The following KLHL1 variants were observed in gnomAD, a reference collection of about 807,000 sequenced individuals.
KLHL1 encodes kelch-like protein 1.
KLHL1 carries 47 observed loss-of-function variants against 77.7 expected under a neutral mutation model. The ratio of observed to expected loss-of-function variants is 0.60; its 90% CI spans 0.48 to 0.77. KLHL1 has a LOEUF of 0.77. Among genes scored for constraint, KLHL1 ranks in the 30% least tolerant of loss-of-function variants. The pLI, the probability that KLHL1 is intolerant of heterozygous loss-of-function variation, is 0.00. For missense variants in KLHL1, 925 were observed against 910.8 expected (o/e 1.02, Z -0.20); for synonymous variants, 360 against 325.2 (o/e 1.11, Z -1.15).
At chr13:69,807,380 C>T (rs1289649378) in intron 6 of KLHL1, among the ~76,000 whole-genome samples, 1 of 151,998 alleles carries the variant, frequency 6.6e-6, no homozygotes, top group Non-Finnish European at 1.5e-5. Context: ...GGAAATAAGG[C>T]CATCCTAGGT....
chr13:69,861,675 C>T (rs541088154), intron 5 of KLHL1, among the ~76,000 whole-genome samples: 7 of 150,260 alleles, frequency 4.7e-5, no homozygotes, highest in African/African-American at 1.5e-4. Context: ...GCAAGCCTGG[C>T]GCAGTGGCTC....
Position 69,969,402 on chromosome 13 carries a change from T to C in KLHL1, c.680+6218A>G, listed in dbSNP as rs117906070. ...AGACACAGTTATCCTCAAATATTTA[T>C]TACATACCAATTAGATAAATTAGTG... On this transcript the variant is annotated intron_variant, in intron 2 of 10. Transcript: ENST00000377844. Among the ~76,000 whole-genome samples, 28 of 152,194 alleles carry C rather than the reference T, an allele frequency of 1.8e-4. No individual in the cohort carries two copies. The East Asian group carries it at 5.4e-3, about 29-fold the overall frequency.
intron 5 of KLHL1, among the ~76,000 whole-genome samples, chr13:69,853,179 C>T (rs1053355023): frequency 6.6e-6 from 1 of 151,936 alleles, no homozygotes; most frequent in Non-Finnish European, 1.5e-5. Context: ...ACCCAAATTT[C>T]ATCTTGAATT....
At chr13:69,807,609 G>A (rs1265165070) in intron 6 of KLHL1, among the ~76,000 whole-genome samples, 2 of 152,104 alleles carry the variant, frequency 1.3e-5, no homozygotes, top group Admixed American at 6.6e-5. Flanking sequence ...ACCATTCTGA[G>A]TGTTTAGAGA....
At chr13:69,784,610 G>A (rs1472989384) in intron 7 of KLHL1, among the ~76,000 whole-genome samples, 1 of 150,966 alleles carries the variant, frequency 6.6e-6, no homozygotes, top group African/African-American at 2.4e-5. Context: ...AATGATAAAG[G>A]GATCAATTCA....
chr13:70,081,775 A>G (rs1245491903), intron 1 of KLHL1, among the ~76,000 whole-genome samples: 2 of 152,212 alleles, frequency 1.3e-5, no homozygotes, highest in Non-Finnish European at 2.9e-5. Context: ...GACCTAGGTA[A>G]GCTACACCTA....
intron 7 of KLHL1, among the ~76,000 whole-genome samples, chr13:69,795,761 G>A (rs1409697528): frequency 1.3e-5 from 2 of 152,054 alleles, no homozygotes; most frequent in Non-Finnish European, 2.9e-5. Context: ...ATCGAGATCC[G>A]AATCCAGGTA....
Position 70,028,751 on chromosome 13 carries a change from T to G in KLHL1, c.498-52949A>C, listed in dbSNP as rs1257893052. On this transcript the variant is annotated intron_variant, in intron 1 of 10. Coordinates refer to ENST00000377844, the MANE Select transcript of KLHL1 (RefSeq NM_020866.3). ...CAGCAGTTTGAGAGGCCGAAGCAGGTGAATTGCTTGAGCCCAGGAGACTGA... is the reference window on the plus strand; with the variant it reads ...CAGCAGTTTGAGAGGCCGAAGCAGGGGAATTGCTTGAGCCCAGGAGACTGA... Among the ~76,000 whole-genome samples, 3 of 151,980 alleles carry G rather than the reference T, an allele frequency of 2.0e-5. No individual in the cohort carries two copies. The East Asian group carries it at 5.8e-4, about 29-fold the overall frequency.
At chr13:70,066,407 T>C (rs567574601) in intron 1 of KLHL1, among the ~76,000 whole-genome samples, 154 of 152,286 alleles carry the variant, frequency 1.0e-3, no homozygotes, top group Non-Finnish European at 1.8e-3. Flanking sequence ...AAGTAAGACA[T>C]GTAGAGTGCA....
intron 4 of KLHL1, among the ~76,000 whole-genome samples, chr13:69,909,975 C>A (rs560107797): frequency 3.3e-5 from 5 of 151,970 alleles, no homozygotes; most frequent in Non-Finnish European, 5.9e-5. Context: ...AAAGGTTTGG[C>A]AAATCTCACT....
chr13:70,081,456 C>T (rs1476381138), intron 1 of KLHL1, among the ~76,000 whole-genome samples: 1 of 152,158 alleles, frequency 6.6e-6, no homozygotes, highest in African/African-American at 2.4e-5. Context: ...CAGTGCATCA[C>T]AAAATTCATT....
chr13:70,003,046 A>C (rs1165756383), intron 1 of KLHL1, among the ~76,000 whole-genome samples: 3 of 151,846 alleles, frequency 2.0e-5, no homozygotes, highest in African/African-American at 7.2e-5. Context: ...TTTAAAAATT[A>C]ACAATTAAAA....
At chr13:69,995,503 C>T (rs1885129466) in intron 1 of KLHL1, among the ~76,000 whole-genome samples, 1 of 152,054 alleles carries the variant, frequency 6.6e-6, no homozygotes, top group African/African-American at 2.4e-5. Flanking sequence ...TTCAGAAATT[C>T]AGAAGCTTCA....
chr13:69,795,939 A>G (rs1022507340), intron 7 of KLHL1, among the ~76,000 whole-genome samples: 2 of 152,196 alleles, frequency 1.3e-5, no homozygotes, highest in Non-Finnish European at 2.9e-5. Context: ...AGATGTGCTT[A>G]ATCAATAATG....
At chr13:69,736,838 G>A (rs180735433) in intron 8 of KLHL1, among the ~76,000 whole-genome samples, 95 of 152,196 alleles carry the variant, frequency 6.2e-4, no homozygotes, top group African/African-American at 1.8e-3. Context: ...ATATTCTCTC[G>A]TAAGTGGGAG....
intron 7 of KLHL1, among the ~76,000 whole-genome samples, chr13:69,781,996 T>C (rs910688375): frequency 6.6e-6 from 1 of 152,210 alleles, no homozygotes; most frequent in Admixed American, 6.5e-5. Flanking sequence ...AGCAAACATT[T>C]TAAATTTGAA....
rs563525771 is a variant in KLHL1 at position 70,108,292 on chromosome 13, T to C, written c.-593A>G. ...CCTGGCCTTTTCGAGGATGCCCCGA[T>C]AGCCTGCCGGGTGGCTCTGAGAAAG... On this transcript the variant is annotated 5_prime_UTR_variant, in exon 1 of 11. Transcript: ENST00000377844. The C allele has an allele frequency of 1.7e-5, 6 of 353,984 alleles. No individual in the cohort carries two copies. The highest frequency in any genetic ancestry group is 4.7e-5 in the Admixed American group (1 of 21,398). The allele number at this position is 353,984 out of a possible 1,614,324, so 21.9% of individuals were successfully genotyped here.
intron 7 of KLHL1, among the ~76,000 whole-genome samples, chr13:69,748,528 CCCATA>C (rs1874322519): frequency 6.6e-6 from 1 of 151,940 alleles, no homozygotes; most frequent in Non-Finnish European, 1.5e-5. Context: ...CTGGGTCCCT[CCCATA>C]ACATGTGAGA....
At chr13:69,983,805 A>C (rs1173434219) in intron 1 of KLHL1, among the ~76,000 whole-genome samples, 2 of 152,020 alleles carry the variant, frequency 1.3e-5, no homozygotes, top group South Asian at 4.1e-4. Flanking sequence ...CTACAACGCA[A>C]TATTAACCAA....
Sources: allele counts gnomAD v4.1 joint callset (sites outside exome capture counted in the v4.1 genomes callset), GRCh38; gene constraint gnomAD v4.1.1; transcripts MANE v1.5; gene names NCBI Gene and HGNC (gene_info 2026-07-23, HGNC 2026-07-21).